The following SPTBN5 variants were observed in gnomAD, a reference collection of about 807,000 sequenced individuals.
The protein encoded by SPTBN5 is spectrin beta chain, non-erythrocytic 5.
A neutral mutation model predicts 477.6 loss-of-function variants in SPTBN5; 513 were observed. That is an observed-to-expected ratio of 1.07 (90% CI 1.00 to 1.16). SPTBN5 has a LOEUF of 1.16. Among genes scored for constraint, SPTBN5 ranks in the 50% most tolerant of loss-of-function variants. The pLI is 0.00. For missense variants in SPTBN5, 5,062 were observed against 4,731.8 expected (o/e 1.07, Z -2.05); for synonymous variants, 2,169 against 2,011.7 (o/e 1.08, Z -2.09).
chr15:41,881,921 T>TGTCCCC lies in SPTBN5; in HGVS notation c.2457+9_2457+14dup. On this transcript the variant is annotated intron_variant, in intron 12 of 67. Coordinates refer to ENST00000320955, the MANE Select transcript of SPTBN5 (RefSeq NM_016642.4). ...GCAAGGGAGACCAGGCGCCCTTCCCTGTCCCCGTCCTCACCGTGAATAACG... is the reference window on the plus strand; with the variant it reads ...GCAAGGGAGACCAGGCGCCCTTCCCTGTCCCCGTCCCCGTCCTCACCGTGAATAACG... The TGTCCCC allele has an allele frequency of 6.6e-7, 1 of 1,522,800 alleles. No individual in the cohort carries two copies. The highest frequency in any genetic ancestry group is 8.7e-7 in the Non-Finnish European group (1 of 1,143,522). The allele number at this position is 1,522,800 out of a possible 1,614,324, so 94.3% of individuals were successfully genotyped here.
At chr15:41,882,229 C>CGGG in intron 11 of SPTBN5, 40 bp downstream of exon 11, 4 of 1,263,808 alleles carry the variant, frequency 3.2e-6, no homozygotes, top group Non-Finnish European at 4.2e-6. Flanking sequence ...CCCGCCTCGC[C>CGGG]GGGCCCCGCC....
At chr15:41,871,718 C>A in intron 28 of SPTBN5, 64 bp downstream of exon 28, 1 of 1,445,106 alleles carries the variant, frequency 6.9e-7, no homozygotes, top group Non-Finnish European at 9.1e-7. Flanking sequence ...CCCGCCAGAG[C>A]CAGCTTCCCC....
chr15:41,877,874 T>C (rs2066798340), intron 17 of SPTBN5, among the ~76,000 whole-genome samples: 1 of 152,212 alleles, frequency 6.6e-6, no homozygotes, highest in African/African-American at 2.4e-5. Flanking sequence ...GGACTGTCCC[T>C]GGTGGCCTTG....
intron 29 of SPTBN5, 82 bp from the exon 30 acceptor site, chr15:41,870,642 C>G (rs747109628): frequency 9.5e-5 from 112 of 1,175,658 alleles, no homozygotes; most frequent in Non-Finnish European, 1.3e-4. Context: ...CTGGTCAGCC[C>G]GCTCCTCTCT....
intron 59 of SPTBN5, 109 bp downstream of exon 59, chr15:41,853,149 G>A (rs1048614868): frequency 1.4e-5 from 20 of 1,481,360 alleles, no homozygotes; most frequent in Middle Eastern, 4.5e-4. Flanking sequence ...CCCTGCCTGC[G>A]CCCAGCCTTC....
At chr15:41,849,707 T>G (rs1200994745) in intron 67 of SPTBN5, among the ~76,000 whole-genome samples, 162 bp downstream of exon 67, 2 of 152,124 alleles carry the variant, frequency 1.3e-5, no homozygotes, top group Non-Finnish European at 2.9e-5. Context: ...TGGATTCCTC[T>G]CAGCTGAGAG....
chr15:41,869,928 C>A lies in SPTBN5; in HGVS notation c.5766G>T (p.Thr1922=). The A allele has an allele frequency of 2.6e-6, 4 of 1,553,410 alleles. No individual in the cohort carries two copies. Among genetic ancestry groups the A allele is most frequent in the Non-Finnish European group, 3.5e-6 (4 of 1,148,378 alleles). Residue 1922 remains threonine (T), a synonymous_variant, in exon 32 of 68, where the codon ACG becomes ACT. Transcript: ENST00000320955. ...GTCGCTGCAGCACTGCCCACGCCTG[C>A]GTCACAGCTTGCTGCCTCTGCTGCA... ...HAVQQRQQAV[T]QAWAVLQRRM...
chr15:41,885,226 T>C (rs1595509620), intron 7 of SPTBN5, among the ~76,000 whole-genome samples: 1 of 152,328 alleles, frequency 6.6e-6, no homozygotes, highest in African/African-American at 2.4e-5. Flanking sequence ...GGTTTTGCCA[T>C]GTTGGCTAGG....
Position 41,871,853 on chromosome 15 carries a change from C to A in SPTBN5, c.5230G>T (p.Gly1744Cys), listed in dbSNP as rs201503588. Residue 1744 changes from glycine to cysteine, a missense_variant, in exon 28 of 68, where the codon GGC (glycine) becomes TGC (cysteine). Coordinates refer to ENST00000320955, the MANE Select transcript of SPTBN5 (RefSeq NM_016642.4). ...EFLREAEDLQGWLASQKQAAK... is the reference protein window; with the variant it reads ...EFLREAEDLQCWLASQKQAAK... Reference sequence around the variant, plus strand: ...GCCTGCTTCTGGCTTGCCAGCCAGCCCTGCAGGTCCTCAGCCTCCCTCAGG... The same window carrying A: ...GCCTGCTTCTGGCTTGCCAGCCAGCACTGCAGGTCCTCAGCCTCCCTCAGG... 1 of 1,587,688 alleles carries A rather than the reference C, an allele frequency of 6.3e-7. No individual in the cohort carries two copies. The highest frequency in any genetic ancestry group is 1.8e-5 in the Admixed American group (1 of 56,838).
At chr15:41,876,788 G>A in intron 19 of SPTBN5, 21 bp downstream of exon 19, 1 of 1,609,306 alleles carries the variant, frequency 6.2e-7, no homozygotes, top group Non-Finnish European at 8.5e-7. Context: ...TGCAGGTGCT[G>A]CAGACTGAGG....
intron 32 of SPTBN5, 78 bp from the exon 33 acceptor site, chr15:41,868,679 A>G (rs1344381094): frequency 1.9e-5 from 28 of 1,448,614 alleles, no homozygotes; most frequent in Non-Finnish European, 2.5e-5. Context: ...AGGCAACTGC[A>G]GCCCACCTGA....
intron 11 of SPTBN5, 32 bp downstream of exon 11, chr15:41,882,237 G>GCCCCCCCCCCCCC: frequency 2.8e-6 from 1 of 357,958 alleles, no homozygotes; most frequent in Non-Finnish European, 3.8e-6. Flanking sequence ...GCCGGGCCCC[G>GCCCCCCCCCCCCC]CCCCCACCCC....
chr15:41,848,662 T>G, intron 67 of SPTBN5, 34 bp from the exon 68 acceptor site: 3 of 1,613,484 alleles, frequency 1.9e-6, no homozygotes, highest in Non-Finnish European at 2.5e-6. Context: ...TAGTAGGGTA[T>G]GGCCACCCCA....
In SPTBN5 at chr15:41,880,171, G is replaced by T. The variant is rs747217396; in HGVS notation, c.2800C>A (p.Leu934Ile). Residue 934 changes from leucine to isoleucine, a missense_variant, in exon 14 of 68, where the codon CTC (leucine) becomes ATC (isoleucine). By Grantham distance (5) the Leu-to-Ile change is conservative. Transcript: ENST00000320955. Reference protein sequence around the residue: ...PQADTLEVMQLKYENFLTALA... With the variant: ...PQADTLEVMQIKYENFLTALA... Reference sequence around the variant, plus strand: ...TCCCAGGGCTGTACCTCATATTTGAGCTGCATGACCTCCAGGGTGTCAGCC... The same window carrying T: ...TCCCAGGGCTGTACCTCATATTTGATCTGCATGACCTCCAGGGTGTCAGCC... 26 of 1,600,134 alleles carry T rather than the reference G, an allele frequency of 1.6e-5. No homozygotes were observed. The highest frequency in any genetic ancestry group is 2.1e-5 in the Non-Finnish European group (25 of 1,174,254).
At chr15:41,850,785 ACTAGGGGCCCAGGAG>A (rs1289400807) in intron 66 of SPTBN5, 54 bp downstream of exon 66, 3 of 1,370,818 alleles carry the variant, frequency 2.2e-6, no homozygotes, top group Non-Finnish European at 2.0e-6. Context: ...TGCATAAAAC[ACTAGGGGCCCAGGAG>A]CTTGGGGCCC....
Position 41,877,132 on chromosome 15 carries a change from T to C in SPTBN5, c.3695A>G (p.His1232Arg), listed in dbSNP as rs2066766464. 1 of 1,613,866 alleles carries C rather than the reference T, an allele frequency of 6.2e-7. No individual in the cohort carries two copies. Among genetic ancestry groups the C allele is most frequent in the Non-Finnish European group, 8.5e-7 (1 of 1,179,844 alleles). ...GCTCCATACCCCAAGGTTGTCCAGG[T>C]GCAGCCAGGCCTGGTGGTTGGCACA... ...ATCANHQAWL[H>R]LDNLGEDVRE... is the part of the protein sequence containing the mutation. The change falls in exon 18 of 68, where the codon CAC becomes CGC. Residue 1232 changes from histidine to arginine, a missense_variant. His to Arg is a conservative substitution (Grantham distance 29). Transcript: ENST00000320955.
chr15:41,862,056 AAGG>A, intron 44 of SPTBN5, 71 bp downstream of exon 44: 1 of 1,496,714 alleles, frequency 6.7e-7, no homozygotes, highest in African/African-American at 1.4e-5. Flanking sequence ...GCCCAAGAGC[AAGG>A]AGATGAGAGG....
At position 41,874,965 on chromosome 15, in the gene SPTBN5, C is replaced by T. The variant is rs369756758; in HGVS notation, c.4379G>A (p.Arg1460Gln). Residue 1460 changes from arginine to glutamine, a missense_variant, in exon 23 of 68, where the codon CGG (arginine) becomes CAG (glutamine). Transcript: ENST00000320955. ...GCTCTCACTCTCCAGCTGTTGGTGCCGTTTCTGCAGCCTCTGGCTGGAGCG... is the reference window on the plus strand; with the variant it reads ...GCTCTCACTCTCCAGCTGTTGGTGCTGTTTCTGCAGCCTCTGGCTGGAGCG... The part of the protein sequence containing the change: ...DLRSSQRLQK[R>Q]HQQLESESRT... 6.1e-5 allele frequency: 99 copies of T among 1,613,610 alleles called. No individual in the cohort carries two copies. Among genetic ancestry groups the T allele is most frequent in the Non-Finnish European group, 7.0e-5 (83 of 1,179,896 alleles).
At chr15:41,849,658 G>A (rs111446497) in intron 67 of SPTBN5, among the ~76,000 whole-genome samples, 2,036 of 152,296 alleles carry the variant, frequency 0.013, 20 homozygotes, top group Non-Finnish European at 0.021. Context: ...CCTGGGAGGG[G>A]ACCACTGTAG....
Sources: allele counts gnomAD v4.1 joint callset (sites outside exome capture counted in the v4.1 genomes callset), GRCh38; gene constraint gnomAD v4.1.1; transcripts MANE v1.5; gene names NCBI Gene and HGNC (gene_info 2026-07-23, HGNC 2026-07-21).